DCLK1: variants seen among roughly 807,000 people sequenced by gnomAD.
The protein encoded by DCLK1 is doublecortin like kinase 1, also known as serine/threonine-protein kinase DCLK1.
In DCLK1, 16 loss-of-function variants were observed where a neutral mutation model predicts 86.2. The ratio of observed to expected loss-of-function variants is 0.19; its 90% CI spans 0.13 to 0.28. The LOEUF is 0.28. Among genes scored for constraint, DCLK1 ranks in the 10% least tolerant of loss-of-function variants. The pLI, the probability that DCLK1 is intolerant of heterozygous loss-of-function variation, is 1.00. For missense variants in DCLK1, 590 were observed against 940.2 expected (o/e 0.63, Z 4.87); for synonymous variants, 369 against 370.5 (o/e 1.00, Z 0.05).
chr13:36,126,832 C>T (rs1886204776), intron 1 of DCLK1, among the ~76,000 whole-genome samples: 2 of 152,208 alleles, frequency 1.3e-5, no homozygotes, highest in African/African-American at 2.4e-5. Flanking sequence ...CCAATAGACA[C>T]AACAACTTTC....
chr13:35,895,066 C>T (rs1318578362), intron 4 of DCLK1, among the ~76,000 whole-genome samples: 1 of 152,126 alleles, frequency 6.6e-6, no homozygotes, highest in Admixed American at 6.5e-5. Flanking sequence ...CTAGCCTCCC[C>T]AGTAGCTGTG....
At chr13:35,833,587 C>T (rs1297873812) in intron 8 of DCLK1, among the ~76,000 whole-genome samples, 2 of 152,146 alleles carry the variant, frequency 1.3e-5, no homozygotes, top group Non-Finnish European at 2.9e-5. Context: ...GGAACAGGAC[C>T]ACAGAAAGAC....
At chr13:36,090,127 T>C (rs1190352853) in intron 3 of DCLK1, among the ~76,000 whole-genome samples, 1 of 152,202 alleles carries the variant, frequency 6.6e-6, no homozygotes, top group African/African-American at 2.4e-5. Context: ...ATAACAGTTG[T>C]AGGCTTATCG....
chr13:36,112,668 G>C (rs896776457), intron 2 of DCLK1, among the ~76,000 whole-genome samples: 17 of 152,106 alleles, frequency 1.1e-4, no homozygotes, highest in African/African-American at 4.1e-4. Flanking sequence ...TATAATTTAC[G>C]AATTTGATGA....
rs1209882217 is a variant in DCLK1, at chr13:35,823,728, A to G, written c.1408-853T>C. ...ATCATGCTTGCCTACAGTGTACCAA[A>G]CCGCTATGCACAGTAACCAACTGTG... is the stretch of plus-strand genomic sequence containing the variant. On this transcript the variant is annotated intron_variant, in intron 10 of 16. Coordinates refer to ENST00000360631, the MANE Select transcript of DCLK1 (RefSeq NM_001330071.2). Among the ~76,000 whole-genome samples the G allele has an allele frequency of 2.6e-5, 4 of 152,162 alleles. No homozygotes were observed. The East Asian group carries it at 7.7e-4, about 29-fold the overall frequency.
At chr13:35,931,878 G>C (rs907012624) in intron 4 of DCLK1, among the ~76,000 whole-genome samples, 1 of 152,108 alleles carries the variant, frequency 6.6e-6, no homozygotes, top group Non-Finnish European at 1.5e-5. Flanking sequence ...TGATACACAG[G>C]ACCAATCTCA....
rs1160776603 is a variant in DCLK1 at position 35,774,389 on chromosome 13, A to G, written c.*146T>C. The G allele has an allele frequency of 1.0e-6, 1 of 1,000,622 alleles. No individual in the cohort carries two copies. The allele number at this position is 1,000,622 out of a possible 1,614,324, so 62.0% of individuals were successfully genotyped here. A position where few individuals can be genotyped will look rare whatever the true frequency, so the allele number is the denominator to read the frequency against. On this transcript the variant is annotated 3_prime_UTR_variant, in exon 17 of 17. Transcript: ENST00000360631. ...TCTTATTCAGTAAAGGGAAACCGCT[A>G]CAAAGATACCTGAAAACACTTTCAG...
At chr13:35,978,019 T>A (rs4943354) in intron 3 of DCLK1, among the ~76,000 whole-genome samples, 5,039 of 152,088 alleles carry the variant, frequency 0.033, 121 homozygotes, top group Non-Finnish European at 0.05. Context: ...AAGCAGAATG[T>A]CATTGTCCCT....
chr13:35,801,719 C>T (rs1272973456), intron 15 of DCLK1, among the ~76,000 whole-genome samples: 1 of 152,090 alleles, frequency 6.6e-6, no homozygotes, highest in East Asian at 1.9e-4. Context: ...ACTGCTGAGA[C>T]ACGTATATAT....
At chr13:35,895,529 C>G (rs1038903844) in intron 4 of DCLK1, among the ~76,000 whole-genome samples, 1 of 152,102 alleles carries the variant, frequency 6.6e-6, no homozygotes, top group Non-Finnish European at 1.5e-5. Flanking sequence ...ACACGCTAAT[C>G]TTATTCCCAC....
At chr13:35,914,330 AAAATAT>A (rs1252999486) in intron 4 of DCLK1, among the ~76,000 whole-genome samples, 4 of 91,952 alleles carry the variant, frequency 4.4e-5, no homozygotes, top group Non-Finnish European at 6.6e-5. Flanking sequence ...AGAAAAAAAA[AAAATAT>A]ATATATATAT....
chr13:35,887,788 G>A (rs140365388), intron 4 of DCLK1, among the ~76,000 whole-genome samples: 3 of 144,188 alleles, frequency 2.1e-5, no homozygotes, highest in Non-Finnish European at 3.0e-5. Context: ...TGTGGTATGC[G>A]CCTATAGTCT....
At chr13:35,905,803 C>G (rs1874658611) in intron 4 of DCLK1, among the ~76,000 whole-genome samples, 1 of 151,728 alleles carries the variant, frequency 6.6e-6, no homozygotes, top group African/African-American at 2.4e-5. Context: ...AAAAAAGTAG[C>G]CAGGTGTGGT....
intron 3 of DCLK1, among the ~76,000 whole-genome samples, chr13:35,992,816 T>C (rs1880295339): frequency 6.6e-6 from 1 of 152,166 alleles, no homozygotes; most frequent in Non-Finnish European, 1.5e-5. Context: ...CCCCTGAAAA[T>C]CCTGATCCTT....
intron 1 of DCLK1, 111 bp from the exon 2 acceptor site, chr13:36,126,267 A>C (rs1886185839): frequency 1.1e-6 from 1 of 926,850 alleles, no homozygotes; most frequent in Non-Finnish European, 1.4e-6. Flanking sequence ...CTGCTCTGTC[A>C]CCGGGCTGCA....
intron 5 of DCLK1, among the ~76,000 whole-genome samples, chr13:35,860,811 A>T (rs1211533190): frequency 2.0e-5 from 3 of 152,196 alleles, no homozygotes; most frequent in Non-Finnish European, 4.4e-5. Context: ...GGGCTGGGGA[A>T]GACCCTGGAC....
intron 10 of DCLK1, among the ~76,000 whole-genome samples, chr13:35,826,895 T>G (rs912794992): frequency 6.6e-6 from 1 of 152,148 alleles, no homozygotes; most frequent in Non-Finnish European, 1.5e-5. Flanking sequence ...AGGTAGACAT[T>G]ACTTACACGT....
chr13:36,017,176 T>C (rs1881568403), intron 3 of DCLK1, among the ~76,000 whole-genome samples: 1 of 152,206 alleles, frequency 6.6e-6, no homozygotes, highest in Admixed American at 6.5e-5. Context: ...ACAAGGATCA[T>C]AGCAACTTTT....
At chr13:35,873,986 T>C (rs1170742689) in intron 4 of DCLK1, among the ~76,000 whole-genome samples, 1 of 152,252 alleles carries the variant, frequency 6.6e-6, no homozygotes, top group Non-Finnish European at 1.5e-5. Flanking sequence ...TTTATCATTG[T>C]AGGTAGTTGT....
Sources: allele counts gnomAD v4.1 joint callset (sites outside exome capture counted in the v4.1 genomes callset), GRCh38; gene constraint gnomAD v4.1.1; transcripts MANE v1.5; gene names NCBI Gene and HGNC (gene_info 2026-07-23, HGNC 2026-07-21).